AGR3: variants seen among roughly 807,000 people sequenced by gnomAD.
AGR3 encodes anterior gradient 3, protein disulphide isomerase family member.
In AGR3, 37 loss-of-function variants were observed where a neutral mutation model predicts 24.5. The ratio of observed to expected loss-of-function variants is 1.51; its 90% CI spans 1.16 to 1.99. The LOEUF is 1.99. Ranked by LOEUF, AGR3 falls within the 30% of genes most tolerant of loss-of-function variation. AGR3 has a pLI of 0.00. For missense variants in AGR3, 228 were observed against 191.1 expected, an observed-to-expected ratio of 1.19 and a Z score of -1.14; for synonymous variants, 75 against 61.6, an observed-to-expected ratio of 1.22 and a Z score of -1.02.
intron 3 of AGR3, chr7:16,864,261 C>G: frequency 7.6e-7 from 1 of 1,321,848 alleles, no homozygotes; most frequent in South Asian, 1.3e-5. Context: ...AGCAGGCTGG[C>G]TTCTATGTCC....
At chr7:16,871,156 C>G (rs1781856696) in intron 3 of AGR3, among the ~76,000 whole-genome samples, 1 of 152,154 alleles carries the variant, frequency 6.6e-6, no homozygotes, top group Non-Finnish European at 1.5e-5. Flanking sequence ...AATATTCAAA[C>G]AGGCAGGCCT....
chr7:16,862,718 C>T, intron 3 of AGR3, 56 bp from the exon 4 acceptor site: 1 of 1,242,180 alleles, frequency 8.1e-7, no homozygotes, highest in South Asian at 1.4e-5. Context: ...TCAAAATATA[C>T]AGTAGAGTTA....
At chr7:16,880,053 C>T (rs572624834) in intron 1 of AGR3, among the ~76,000 whole-genome samples, 1 of 149,960 alleles carries the variant, frequency 6.7e-6, no homozygotes, top group East Asian at 1.9e-4. Context: ...TCCCTCCTTC[C>T]CTTCCCCTTC....
intron 3 of AGR3, chr7:16,866,202 G>A (rs183245035): frequency 1.3e-5 from 7 of 531,988 alleles, no homozygotes; most frequent in African/African-American, 7.7e-5. Context: ...TGATGTGGCA[G>A]TAATAGTAGA....
At chr7:16,872,327 A>G (rs112826408) in intron 3 of AGR3, among the ~76,000 whole-genome samples, 6 of 152,318 alleles carry the variant, frequency 3.9e-5, no homozygotes, top group African/African-American at 1.2e-4. Flanking sequence ...GCTGATTTTT[A>G]ACAAAGGTGG....
At chr7:16,879,470 ACT>A (rs1782061453) in intron 1 of AGR3, among the ~76,000 whole-genome samples, 1 of 152,226 alleles carries the variant, frequency 6.6e-6, no homozygotes, top group Admixed American at 6.5e-5. Flanking sequence ...AGTCTTTAAT[ACT>A]TGTGAGATGT....
At chr7:16,858,056 T>C (rs183020725), downstream of AGR3, among the ~76,000 whole-genome samples, 1 of 151,932 alleles carries the variant, frequency 6.6e-6, no homozygotes, top group African/African-American at 2.4e-5. Context: ...GGAACGATCT[T>C]GGCTCACTGA....
chr7:16,877,308 A>C (rs1291038342), intron 2 of AGR3, among the ~76,000 whole-genome samples: 7 of 135,522 alleles, frequency 5.2e-5, no homozygotes, highest in Non-Finnish European at 8.4e-5. Context: ...TATAGTATAT[A>C]TAATATATAA....
chr7:16,862,713 A>T, intron 3 of AGR3, 51 bp from the exon 4 acceptor site: 1 of 1,286,494 alleles, frequency 7.8e-7, no homozygotes, highest in South Asian at 1.4e-5. Context: ...TTGGGTCAAA[A>T]TATACAGTAG....
downstream of AGR3, among the ~76,000 whole-genome samples, chr7:16,856,317 T>C (rs1392229930): frequency 1.3e-5 from 2 of 152,214 alleles, no homozygotes; most frequent in Non-Finnish European, 2.9e-5. Flanking sequence ...ATAGAAATGT[T>C]GCTATTTTAG....
chr7:16,866,315 C>T, intron 3 of AGR3: 1 of 542,096 alleles, frequency 1.8e-6, no homozygotes, highest in Non-Finnish European at 3.7e-6. Flanking sequence ...ACATTATAAA[C>T]TGTAATAGTT....
chr7:16,862,016 C>A lies in AGR3; in HGVS notation c.271G>T (p.Ala91Ser). Residue 91 changes from alanine (A) to serine (S), a missense_variant, in exon 5 of 8, where the codon GCT becomes TCT. Coordinates refer to ENST00000310398, the MANE Select transcript of AGR3 (RefSeq NM_176813.5). Reference protein sequence around the residue: ...FAQNEEIQEMAQNKFIMLNLM... With the variant: ...FAQNEEIQEMSQNKFIMLNLM... ...TTTAGCATGATGAACTTATTCTGAG[C>A]CATTTCTTGTATTTCTTCATTTTGG... 6.2e-7 allele frequency: 1 copy of A among 1,613,278 alleles called. No individual in the cohort carries two copies. Among genetic ancestry groups the A allele is most frequent in the Non-Finnish European group, 8.5e-7 (1 of 1,179,578 alleles).
chr7:16,863,913 A>T (rs568524575), intron 3 of AGR3, among the ~76,000 whole-genome samples: 24 of 152,118 alleles, frequency 1.6e-4, no homozygotes, highest in South Asian at 6.2e-4. Flanking sequence ...AAACTCTTGT[A>T]TAGTTCATAT....
At chr7:16,865,084 C>T (rs1286033960) in intron 3 of AGR3, 3 of 763,752 alleles carry the variant, frequency 3.9e-6, no homozygotes, top group Non-Finnish European at 7.1e-6. Context: ...GTTAAAGATG[C>T]TCTTTTACTG....
intron 1 of AGR3, among the ~76,000 whole-genome samples, chr7:16,881,483 A>G (rs941378718): frequency 6.6e-6 from 1 of 152,244 alleles, no homozygotes; most frequent in Non-Finnish European, 1.5e-5. Context: ...TAAATGTGGC[A>G]TGGTTACAGG....
intron 5 of AGR3, 96 bp downstream of exon 5, chr7:16,861,888 G>A (rs368013976): frequency 6.5e-4 from 712 of 1,099,806 alleles, no homozygotes; most frequent in Non-Finnish European, 8.1e-4. Flanking sequence ...GTGACAGAGC[G>A]AGACTCTGTC....
At chr7:16,872,261 C>G (rs1426438101) in intron 3 of AGR3, among the ~76,000 whole-genome samples, 1 of 151,986 alleles carries the variant, frequency 6.6e-6, no homozygotes, top group Non-Finnish European at 1.5e-5. Context: ...AAACAGAAAC[C>G]TAGACCAATG....
At chr7:16,867,203 A>G (rs1030681803) in intron 3 of AGR3, among the ~76,000 whole-genome samples, 1 of 152,088 alleles carries the variant, frequency 6.6e-6, no homozygotes, top group African/African-American at 2.4e-5. Flanking sequence ...TTTTGCATAA[A>G]TGTGAGATAT....
chr7:16,860,840 CCT>C (rs1781627423), intron 6 of AGR3, among the ~76,000 whole-genome samples: 1 of 152,092 alleles, frequency 6.6e-6, no homozygotes, highest in East Asian at 1.9e-4. Flanking sequence ...GTCTATTTTT[CCT>C]CTCTTTATGT....
Sources: allele counts gnomAD v4.1 joint callset (sites outside exome capture counted in the v4.1 genomes callset), GRCh38; gene constraint gnomAD v4.1.1; transcripts MANE v1.5; gene names NCBI Gene and HGNC (gene_info 2026-07-23, HGNC 2026-07-21).